ZNRF1: variants seen among roughly 807,000 people sequenced by gnomAD.
ZNRF1 encodes E3 ubiquitin-protein ligase ZNRF1.
A neutral mutation model predicts 18.4 loss-of-function variants in ZNRF1; 3 were observed. That is an observed-to-expected ratio of 0.16 (90% CI 0.07 to 0.42). ZNRF1 has a LOEUF of 0.42. Among genes scored for constraint, ZNRF1 ranks in the 10% least tolerant of loss-of-function variants. The pLI is 0.99. For synonymous variants in ZNRF1, 157 were observed against 144.2 expected (o/e 1.09, Z -0.64); for missense variants, 310 against 329.8 (o/e 0.94, Z 0.47).
In ZNRF1 at chr16:75,000,038, T is replaced by C; in HGVS notation, c.367T>C (p.Ser123Pro). The C allele has an allele frequency of 6.3e-7, 1 of 1,598,454 alleles. No individual in the cohort carries two copies. Reference sequence around the variant, plus strand: ...GATGCTGTACCTGGGCTCCCGAGCCTCGCTGGCGGATGCTCTACCTCTGCA... The same window carrying C: ...GATGCTGTACCTGGGCTCCCGAGCCCCGCTGGCGGATGCTCTACCTCTGCA... ...DGMLYLGSRA[S>P]LADALPLHIA... Residue 123 changes from serine (S) to proline (P), a missense_variant, in exon 1 of 5, where the codon TCG (serine) becomes CCG (proline). Ser to Pro is a moderately conservative substitution (Grantham distance 74). This residue lies in a region of ZNRF1 where 293 missense variants were observed against 291.2 expected (regional missense o/e 1.01). Coordinates refer to ENST00000335325, the MANE Select transcript of ZNRF1 (RefSeq NM_032268.5).
At chr16:75,026,132 G>T (rs2035220519) in intron 1 of ZNRF1, among the ~76,000 whole-genome samples, 1 of 152,152 alleles carries the variant, frequency 6.6e-6, no homozygotes, top group African/African-American at 2.4e-5. Context: ...CCCTCTTCTA[G>T]TGATCTGCAG....
In ZNRF1 at chr16:75,023,993, C is replaced by A. The variant is rs1020616153; in HGVS notation, c.424+23898C>A. On this transcript the variant is annotated intron_variant, in intron 1 of 4. Coordinates refer to ENST00000335325, the MANE Select transcript of ZNRF1 (RefSeq NM_032268.5). ...TCAAGTGATTCTCCTGACTCAGCCT[C>A]CCCAGTAGCTAGGACTACAGGTGCG... Among the ~76,000 whole-genome samples, 4 of 151,770 alleles carry A rather than the reference C, an allele frequency of 2.6e-5. No individual in the cohort carries two copies. The South Asian group carries it at 8.3e-4, about 32-fold the overall frequency.
At chr16:75,106,612 G>A (rs1234372505) in intron 4 of ZNRF1, 41 bp downstream of exon 4, 1 of 1,583,210 alleles carries the variant, frequency 6.3e-7, no homozygotes, top group Non-Finnish European at 8.7e-7. Context: ...CAAGGCTTGG[G>A]GTCAGGTCAC....
chr16:75,097,784 C>G (rs1186788831), intron 2 of ZNRF1, among the ~76,000 whole-genome samples: 1 of 152,142 alleles, frequency 6.6e-6, no homozygotes, highest in African/African-American at 2.4e-5. Context: ...CCACTGCACT[C>G]CAGCCTAGGC....
chr16:75,047,346 A>T (rs2035528594), intron 1 of ZNRF1, among the ~76,000 whole-genome samples: 1 of 152,002 alleles, frequency 6.6e-6, no homozygotes, highest in African/African-American at 2.4e-5. Context: ...CTAATTCTTA[A>T]ATTTTTTGTA....
chr16:75,013,768 G>A (rs1422665563), intron 1 of ZNRF1, among the ~76,000 whole-genome samples: 1 of 152,080 alleles, frequency 6.6e-6, no homozygotes, highest in African/African-American at 2.4e-5. Context: ...AAATAGCTGT[G>A]TGACTCTGAA....
At chr16:75,086,931 G>A (rs780329185) in intron 1 of ZNRF1, among the ~76,000 whole-genome samples, 2 of 151,932 alleles carry the variant, frequency 1.3e-5, no homozygotes, top group East Asian at 1.9e-4. Context: ...TTAAAATAGC[G>A]CATCAGCATG....
At chr16:75,014,608 A>C (rs1378666404) in intron 1 of ZNRF1, among the ~76,000 whole-genome samples, 2 of 152,184 alleles carry the variant, frequency 1.3e-5, no homozygotes, top group Non-Finnish European at 2.9e-5. Context: ...ACATACGTGA[A>C]TGAGTTTTTC....
At chr16:75,052,378 G>A (rs1004926879) in intron 1 of ZNRF1, among the ~76,000 whole-genome samples, 2 of 151,030 alleles carry the variant, frequency 1.3e-5, no homozygotes, top group Admixed American at 6.6e-5. Context: ...TCCAGCCTGA[G>A]TGACAGAGCC....
intron 1 of ZNRF1, among the ~76,000 whole-genome samples, chr16:75,040,107 T>C (rs1029410430): frequency 1.5e-5 from 2 of 135,824 alleles, no homozygotes. Context: ...TACAGTGGCA[T>C]GGTCATAGCT....
intron 1 of ZNRF1, among the ~76,000 whole-genome samples, chr16:75,058,078 C>T (rs1373002053): frequency 1.3e-5 from 2 of 151,048 alleles, no homozygotes; most frequent in African/African-American, 2.4e-5. Context: ...TACACTGATA[C>T]TTGACCTGCC....
rs151283052 is a variant in ZNRF1, at chr16:75,058,280, C to T, written c.425-35292C>T. Among the ~76,000 whole-genome samples, 558 of 152,124 alleles carry T rather than the reference C, an allele frequency of 3.7e-3. 6 individuals carry two copies. Among genetic ancestry groups the T allele is most frequent in the African/African-American group, 0.013 (522 of 41,472 alleles). On this transcript the variant is annotated intron_variant, in intron 1 of 4. Transcript: ENST00000335325. ...AATGGACGCTCCTTTGCTTTCTGTG[C>T]GGGAGCGTTTAGATCTGAGGAGCGC...
At chr16:75,047,503 C>A (rs141409881) in intron 1 of ZNRF1, among the ~76,000 whole-genome samples, 1 of 152,210 alleles carries the variant, frequency 6.6e-6, no homozygotes, top group African/African-American at 2.4e-5. Context: ...TAACTTGATT[C>A]CACGTTTCCG....
intron 1 of ZNRF1, among the ~76,000 whole-genome samples, chr16:75,039,723 G>T (rs781422156): frequency 6.6e-6 from 1 of 152,208 alleles, no homozygotes; most frequent in Non-Finnish European, 1.5e-5. Flanking sequence ...GAAGAGAGGG[G>T]TTGGTCTGTC....
intron 1 of ZNRF1, among the ~76,000 whole-genome samples, chr16:75,051,475 T>C (rs1597881697): frequency 6.6e-6 from 1 of 152,084 alleles, no homozygotes; most frequent in Non-Finnish European, 1.5e-5. Flanking sequence ...TCCCAAAGTG[T>C]TGGGATTACA....
intron 1 of ZNRF1, among the ~76,000 whole-genome samples, chr16:75,088,218 TG>T (rs2036096209): frequency 6.6e-6 from 1 of 152,246 alleles, no homozygotes; most frequent in Non-Finnish European, 1.5e-5. Context: ...GGAAAAGATT[TG>T]GGCAATAGAC....
intron 2 of ZNRF1, 131 bp downstream of exon 2, chr16:75,093,798 G>C: frequency 1.5e-6 from 1 of 661,368 alleles, no homozygotes; most frequent in South Asian, 1.7e-5. Context: ...GTGTGCCTCA[G>C]TGGTGGTGAG....
At chr16:75,020,763 C>T (rs1051502967) in intron 1 of ZNRF1, among the ~76,000 whole-genome samples, 15 of 152,094 alleles carry the variant, frequency 9.9e-5, no homozygotes, top group Non-Finnish European at 1.6e-4. Context: ...AGGAAGGTCT[C>T]GATCTCCTGA....
intron 2 of ZNRF1, among the ~76,000 whole-genome samples, chr16:75,099,000 A>G (rs866064924): frequency 3.9e-5 from 6 of 152,194 alleles, no homozygotes; most frequent in Middle Eastern, 3.2e-3. Flanking sequence ...CTCAGTGACC[A>G]GGTTCCTCCA....
Sources: gnomAD v4.1 joint callset for allele counts (sites outside exome capture counted in the v4.1 genomes callset) on GRCh38, gnomAD v4.1.1 for gene constraint, gnomAD v4.1.1 regional missense constraint, MANE v1.5 for transcripts, NCBI Gene and HGNC (gene_info 2026-07-23, HGNC 2026-07-21) for gene names.